RBFOX2: variants seen among roughly 807,000 people sequenced by gnomAD.
RBFOX2 encodes RNA binding fox-1 homolog 2.
Under a neutral mutation model 49.1 loss-of-function variants are expected in RBFOX2, and 10 were observed. The ratio of observed to expected loss-of-function variants is 0.20; its 90% CI spans 0.13 to 0.35. RBFOX2 has a LOEUF of 0.35. RBFOX2 is among the 10% of genes least tolerant of loss of function. The pLI, the probability that RBFOX2 is intolerant of heterozygous loss-of-function variation, is 1.00. For synonymous variants in RBFOX2, 183 were observed against 187.4 expected, an observed-to-expected ratio of 0.98 and a Z score of 0.19; for missense variants, 323 against 486.9, an observed-to-expected ratio of 0.66 and a Z score of 3.17.
chr22:35,857,411 T>A (rs2042634959), intron 1 of RBFOX2, among the ~76,000 whole-genome samples: 1 of 152,206 alleles, frequency 6.6e-6, no homozygotes, highest in African/African-American at 2.4e-5. Flanking sequence ...GAAGACAACA[T>A]CCACAGTAAT....
chr22:35,988,981 T>C (rs1036214129), intron 1 of RBFOX2, among the ~76,000 whole-genome samples: 1 of 152,176 alleles, frequency 6.6e-6, no homozygotes, highest in African/African-American at 2.4e-5. Context: ...CCTGACGTTA[T>C]GAGTTCAAGA....
chr22:36,024,574 C>T (rs1603469090), intron 1 of RBFOX2, among the ~76,000 whole-genome samples: 1 of 151,904 alleles, frequency 6.6e-6, no homozygotes, highest in Non-Finnish European at 1.5e-5. Context: ...AACCTCATCT[C>T]TACTATAAAT....
intron 1 of RBFOX2, among the ~76,000 whole-genome samples, chr22:35,903,551 A>G (rs1450298652): frequency 2.0e-5 from 3 of 152,146 alleles, no homozygotes; most frequent in Non-Finnish European, 2.9e-5. Flanking sequence ...CCCCTAGCAG[A>G]GACCTCTCCC....
chr22:35,826,007 ATTAACT>A, intron 1 of RBFOX2, among the ~76,000 whole-genome samples: 1 of 146,212 alleles, frequency 6.8e-6, no homozygotes, highest in Non-Finnish European at 1.5e-5. Context: ...AAAAAAAGGA[ATTAACT>A]AAGATCATAT....
chr22:35,905,745 G>A (rs925499701), intron 1 of RBFOX2, among the ~76,000 whole-genome samples: 4 of 152,102 alleles, frequency 2.6e-5, no homozygotes, highest in African/African-American at 7.2e-5. Context: ...CCTTGGGGGA[G>A]GGGGATGAGG....
At chr22:35,945,562 T>A (rs112964719) in intron 1 of RBFOX2, among the ~76,000 whole-genome samples, 2,828 of 152,282 alleles carry the variant, frequency 0.019, 25 homozygotes, top group Non-Finnish European at 0.028. Flanking sequence ...TATCCCAGCC[T>A]CCTGAGTAGC....
intron 1 of RBFOX2, among the ~76,000 whole-genome samples, chr22:35,848,945 G>C (rs945308063): frequency 3.9e-5 from 6 of 152,088 alleles, no homozygotes; most frequent in Non-Finnish European, 8.8e-5. Flanking sequence ...GCTGGAACCA[G>C]AATCCAGGAC....
chr22:35,872,644 G>A (rs922965575), intron 1 of RBFOX2, among the ~76,000 whole-genome samples: 6 of 152,180 alleles, frequency 3.9e-5, no homozygotes, highest in Non-Finnish European at 5.9e-5. Flanking sequence ...TGTCCCACCC[G>A]TCAATGGCCT....
At chr22:35,760,087 C>G (rs1938230093) in intron 8 of RBFOX2, 67 bp from the exon 10 acceptor site, 6 of 1,582,472 alleles carry the variant, frequency 3.8e-6, no homozygotes, top group Non-Finnish European at 5.2e-6. Context: ...ACAGTCACAA[C>G]TTGCTATGAA....
chr22:35,759,947 C>T lies in RBFOX2; in HGVS notation c.828G>A (p.Gly276=). 6.2e-7 allele frequency: 1 copy of T among 1,613,740 alleles called. No individual in the cohort carries two copies. Among genetic ancestry groups the T allele is most frequent in the Non-Finnish European group, 8.5e-7 (1 of 1,180,010 alleles). The stretch of plus-strand genomic sequence containing the variant: ...CTCGGACTGCACCATATACTGTCCG[C>T]CCTCTGCCCCTCAAATGGGCTCCTC... The change falls in exon 9 of 12, where the codon GGG becomes GGA. Residue 276 remains glycine, a synonymous_variant. Transcript: ENST00000405409. This position sits in a 1 kb window ranked among gnomAD's most constrained non-coding sequence, Gnocchi z 4.6.
At chr22:35,905,799 C>T (rs557193358) in intron 1 of RBFOX2, among the ~76,000 whole-genome samples, 49 of 152,122 alleles carry the variant, frequency 3.2e-4, no homozygotes, top group African/African-American at 1.2e-3. Flanking sequence ...TAGAGTCATG[C>T]ACTGCATAGC....
Position 35,892,216 on chromosome 22 carries a change from G to A in RBFOX2, c.-34+46631C>T, listed in dbSNP as rs1013574221. Among the ~76,000 whole-genome samples, 4 of 152,150 alleles carry A rather than the reference G, an allele frequency of 2.6e-5. No individual in the cohort carries two copies. In the South Asian group the frequency reaches 6.2e-4, roughly 24 times the overall value. On this transcript the variant is annotated intron_variant, in intron 1 of 13. Transcript: ENST00000359369. The stretch of plus-strand genomic sequence containing the variant: ...CCACTATTTTCCCTATATGACAAAT[G>A]AAACTGAGGCTCAGAGAGGTTAAGT...
intron 1 of RBFOX2, among the ~76,000 whole-genome samples, chr22:35,974,983 T>C (rs1375559135): frequency 6.6e-6 from 1 of 152,200 alleles, no homozygotes; most frequent in African/African-American, 2.4e-5. Context: ...AGAGGCAACG[T>C]AGTAGACGGG....
intron 1 of RBFOX2, among the ~76,000 whole-genome samples, chr22:35,919,753 GGAA>G (rs2050825428): frequency 6.6e-6 from 1 of 152,158 alleles, no homozygotes; most frequent in South Asian, 2.1e-4. Flanking sequence ...CCTTTGGGAA[GGAA>G]ATTTTAATGA....
At chr22:35,948,186 G>A (rs140719678) in intron 1 of RBFOX2, among the ~76,000 whole-genome samples, 4 of 152,252 alleles carry the variant, frequency 2.6e-5, no homozygotes, top group African/African-American at 9.6e-5. Context: ...ATGCTGTACA[G>A]ATGTGCAGCC....
chr22:35,742,807 C>T (rs1163794352), exon 12 of RBFOX2: 2 of 152,392 alleles, frequency 1.3e-5, no homozygotes, highest in African/African-American at 2.4e-5. Context: ...CATCGCAGAC[C>T]CTCCTTCCAA....
At chr22:35,746,680 A>G in intron 9 of RBFOX2, 119 bp from the exon 12 acceptor site, 1 of 465,884 alleles carries the variant, frequency 2.1e-6, no homozygotes, top group Non-Finnish European at 3.7e-6. Flanking sequence ...ACACAAACAT[A>G]GACACACACA....
intron 2 of RBFOX2, among the ~76,000 whole-genome samples, chr22:35,801,428 T>TACACAC (rs10623033): frequency 2.1e-5 from 3 of 143,618 alleles, no homozygotes; most frequent in South Asian, 2.2e-4. Context: ...ATACAACACA[T>TACACAC]ACACACACAC....
chr22:35,865,959 C>T (rs1410754329), intron 1 of RBFOX2, among the ~76,000 whole-genome samples: 1 of 152,156 alleles, frequency 6.6e-6, no homozygotes, highest in Non-Finnish European at 1.5e-5. Flanking sequence ...CAAATATTGG[C>T]TATCACACTG....
Sources: allele counts gnomAD v4.1 joint callset (sites outside exome capture counted in the v4.1 genomes callset), GRCh38; gene constraint gnomAD v4.1.1; non-coding constraint Gnocchi (gnomAD v3.1); transcripts MANE v1.5; gene names NCBI Gene and HGNC (gene_info 2026-07-23, HGNC 2026-07-21).